EWSR1: variants seen among roughly 807,000 people sequenced by gnomAD.
EWSR1 encodes the protein RNA-binding protein EWS.
EWSR1 carries 14 observed loss-of-function variants against 92.1 expected under a neutral mutation model. That is an observed-to-expected ratio of 0.15 (90% CI 0.10 to 0.24). EWSR1 has a LOEUF of 0.24. EWSR1 is among the 10% of genes least tolerant of loss of function. The pLI is 1.00. For missense variants in EWSR1, 637 were observed against 870.9 expected (o/e 0.73, Z 3.38); for synonymous variants, 303 against 292.9 (o/e 1.03, Z -0.35).
At chr22:29,277,749 A>G (rs1443271897) in intron 4 of EWSR1, 2 of 382,504 alleles carry the variant, frequency 5.2e-6, no homozygotes, top group Non-Finnish European at 9.5e-6. Flanking sequence ...AGCATTCAAG[A>G]GGGGGCAGAA....
chr22:29,281,827 C>T (rs762163330), intron 5 of EWSR1, among the ~76,000 whole-genome samples: 12 of 152,022 alleles, frequency 7.9e-5, no homozygotes, highest in Non-Finnish European at 1.6e-4. Context: ...CCTCGTGATC[C>T]GCCCTCCTCG....
chr22:29,274,434 C>G (rs1172799004), intron 4 of EWSR1: 1 of 753,286 alleles, frequency 1.3e-6, no homozygotes, highest in Non-Finnish European at 2.3e-6. Flanking sequence ...CTTCAGGTGC[C>G]ATTTGCAGAT....
chr22:29,273,305 A>G (rs1446983389), intron 3 of EWSR1, among the ~76,000 whole-genome samples: 1 of 152,094 alleles, frequency 6.6e-6, no homozygotes, highest in African/African-American at 2.4e-5. Context: ...AGCCCTCTTC[A>G]TTGCTTTCTC....
At chr22:29,282,141 G>A (rs1026871700) in intron 5 of EWSR1, among the ~76,000 whole-genome samples, 4 of 152,190 alleles carry the variant, frequency 2.6e-5, no homozygotes, top group Non-Finnish European at 4.4e-5. Context: ...GCATATTAAT[G>A]TCTCTTCTGT....
At chr22:29,292,089 G>A in intron 9 of EWSR1, 48 bp from the exon 10 acceptor site, 1 of 1,558,120 alleles carries the variant, frequency 6.4e-7, no homozygotes, top group Non-Finnish European at 8.9e-7. Context: ...TTTGTAGCTT[G>A]CAAGACGTGC....
intron 13 of EWSR1, among the ~76,000 whole-genome samples, 194 bp from the exon 14 acceptor site, chr22:29,298,539 G>T (rs2061062407): frequency 6.6e-6 from 1 of 151,588 alleles, no homozygotes; most frequent in African/African-American, 2.4e-5. Context: ...TGGGAGCTCT[G>T]TTTCTGTAGA....
chr22:29,295,488 C>T (rs549496802), intron 11 of EWSR1: 199 of 210,054 alleles, frequency 9.5e-4, no homozygotes, highest in African/African-American at 4.1e-3. Flanking sequence ...TGCATTTCCA[C>T]ATTATTCATA....
chr22:29,283,469 C>T (rs2059775678), intron 6 of EWSR1, among the ~76,000 whole-genome samples: 1 of 151,428 alleles, frequency 6.6e-6, no homozygotes, highest in Non-Finnish European at 1.5e-5. Flanking sequence ...ATGCCTCAGC[C>T]TCCCGAGTAG....
intron 3 of EWSR1, 131 bp from the exon 4 acceptor site, chr22:29,273,610 G>A: frequency 9.8e-7 from 1 of 1,019,116 alleles, no homozygotes; most frequent in South Asian, 1.7e-5. Flanking sequence ...TTGTTTTGTT[G>A]TTTTTGTTTT....
chr22:29,277,452 T>A (rs1048616130), intron 4 of EWSR1: 14 of 225,182 alleles, frequency 6.2e-5, no homozygotes, highest in African/African-American at 3.1e-4. Context: ...ATTAATCATG[T>A]GCTCAAGTAA....
chr22:29,270,288 T>C (rs1450869464), intron 1 of EWSR1, among the ~76,000 whole-genome samples: 2 of 152,162 alleles, frequency 1.3e-5, no homozygotes, highest in South Asian at 2.1e-4. Context: ...CAACAAAGAA[T>C]TGGAATGCAG....
chr22:29,298,608 A>T, intron 13 of EWSR1, 125 bp from the exon 14 acceptor site: 1 of 1,206,746 alleles, frequency 8.3e-7, no homozygotes, highest in Non-Finnish European at 1.2e-6. Context: ...ACACGGAAAC[A>T]CGGGACAGGT....
At chr22:29,277,052 G>C (rs1361539405) in intron 4 of EWSR1, 1 of 230,416 alleles carries the variant, frequency 4.3e-6, no homozygotes, top group African/African-American at 2.2e-5. Flanking sequence ...TCGTGGTTTT[G>C]GTCATGCTCC....
intron 5 of EWSR1, among the ~76,000 whole-genome samples, chr22:29,281,736 A>T (rs2059622791): frequency 6.6e-6 from 1 of 150,982 alleles, no homozygotes; most frequent in Non-Finnish European, 1.5e-5. Flanking sequence ...GCCCACCACC[A>T]TGCCTGGCTA....
At position 29,276,353 on chromosome 22, in the gene EWSR1, A is replaced by G. The variant is rs770350046; in HGVS notation, c.227-1677A>G. 103 of 227,888 alleles carry G rather than the reference A, an allele frequency of 4.5e-4. No homozygotes were observed. In the Middle Eastern group the frequency reaches 5.4e-3, roughly 12 times the overall value. 14.1% of individuals were successfully genotyped at this position (227,888 alleles called of 1,614,324 possible). On this transcript the variant is annotated intron_variant, in intron 4 of 16. Transcript: ENST00000397938. ...TGCTTGGGGCTTCCTGTTTTCTGGA[A>G]CTATGTATACTTTCATACACATTTT...
Position 29,298,906 on chromosome 22 carries a change from GTC to G in EWSR1, c.1580+13_1580+14del. 1 of 1,532,774 alleles carries G rather than the reference GTC, an allele frequency of 6.5e-7. No individual in the cohort carries two copies. Among genetic ancestry groups the G allele is most frequent in the South Asian group, 1.3e-5 (1 of 77,120 alleles). The allele number at this position is 1,532,774 out of a possible 1,614,324, so 94.9% of individuals were successfully genotyped here. Reference sequence around the variant, plus strand: ...GCAGTGTCCCAATCCGTATGTACTTGTCTTGGCAAATTGATACCCTACGAGTG... The same window carrying G: ...GCAGTGTCCCAATCCGTATGTACTTGTTGGCAAATTGATACCCTACGAGTG... On this transcript the variant is annotated intron_variant, in intron 14 of 16. Transcript: ENST00000397938.
chr22:29,268,636 C>T lies in EWSR1; in HGVS notation c.13+287C>T, dbSNP rs569475759. ...TGTGTGGCGGTCCTCGCGCCCTGAGCTCCGGGCCTCCCGCCACGTGGGCGG... is the reference window on the plus strand; with the variant it reads ...TGTGTGGCGGTCCTCGCGCCCTGAGTTCCGGGCCTCCCGCCACGTGGGCGG... On this transcript the variant is annotated intron_variant, in intron 1 of 16. Transcript: ENST00000397938. Among the ~76,000 whole-genome samples the T allele has an allele frequency of 2.7e-4, 41 of 152,258 alleles. No individual in the cohort carries two copies. In the East Asian group the frequency reaches 7.6e-3, roughly 28 times the overall value.
intron 14 of EWSR1, 29 bp from the exon 15 acceptor site, chr22:29,299,205 G>C (rs371363660): frequency 7.3e-5 from 118 of 1,613,876 alleles, no homozygotes; most frequent in Non-Finnish European, 1.4e-5. Context: ...TTCAATTGGT[G>C]ATTTCTGCTG....
intron 4 of EWSR1, among the ~76,000 whole-genome samples, chr22:29,275,461 C>T (rs1306757489): frequency 6.6e-6 from 1 of 152,104 alleles, no homozygotes; most frequent in African/African-American, 2.4e-5. Flanking sequence ...CTGGAGATTG[C>T]ACTTAGTAAT....
Sources: allele counts gnomAD v4.1 joint callset (sites outside exome capture counted in the v4.1 genomes callset), GRCh38; gene constraint gnomAD v4.1.1; transcripts MANE v1.5; gene names NCBI Gene and HGNC (gene_info 2026-07-23, HGNC 2026-07-21).